RPN2: variants seen among roughly 807,000 people sequenced by gnomAD.
RPN2 encodes the protein dolichyl-diphosphooligosaccharide--protein glycosyltransferase subunit 2.
RPN2 carries 29 observed loss-of-function variants against 71.4 expected under a neutral mutation model. That is an observed-to-expected ratio of 0.41 (90% CI 0.30 to 0.55). RPN2 has a LOEUF of 0.55. Ranked by LOEUF, RPN2 falls within the 20% of genes least tolerant of loss-of-function variation. The pLI is 0.35. For synonymous variants in RPN2, 308 were observed against 305.0 expected (o/e 1.01, Z -0.10); for missense variants, 726 against 774.1 (o/e 0.94, Z 0.74).
chr20:37,231,108 C>A (rs2068231130), intron 13 of RPN2, among the ~76,000 whole-genome samples: 1 of 152,018 alleles, frequency 6.6e-6, no homozygotes, highest in Admixed American at 6.6e-5. Context: ...AAAGCATAAT[C>A]AAATGCACTA....
At chr20:37,218,433 C>T (rs1219932362) in intron 9 of RPN2, among the ~76,000 whole-genome samples, 1 of 151,944 alleles carries the variant, frequency 6.6e-6, no homozygotes, top group African/African-American at 2.4e-5. Context: ...AAAGCCTGGG[C>T]GCAGTGGCTC....
chr20:37,182,056 C>T (rs963387612), intron 1 of RPN2, among the ~76,000 whole-genome samples: 3 of 151,830 alleles, frequency 2.0e-5, no homozygotes, highest in South Asian at 2.1e-4. Context: ...GAATACACCA[C>T]GTGATAGATT....
At chr20:37,224,456 T>C (rs2068030246) in intron 10 of RPN2, among the ~76,000 whole-genome samples, 1 of 152,268 alleles carries the variant, frequency 6.6e-6, no homozygotes, top group Non-Finnish European at 1.5e-5. Flanking sequence ...GCCTCACACG[T>C]GCTTAAAATT....
At chr20:37,228,494 G>A in intron 11 of RPN2, 56 bp from the exon 12 acceptor site, 1 of 1,538,710 alleles carries the variant, frequency 6.5e-7, no homozygotes, top group Non-Finnish European at 9.0e-7. Flanking sequence ...TCAATGTTAG[G>A]CCCAGGGAGA....
intron 6 of RPN2, 55 bp from the exon 7 acceptor site, chr20:37,207,218 C>T: frequency 7.0e-7 from 1 of 1,434,214 alleles, no homozygotes; most frequent in East Asian, 2.3e-5. Context: ...CAGCAGTGGC[C>T]CTCCCACCTT....
rs771088922 is a variant in RPN2, at chr20:37,228,641, A to T, written c.1391A>T (p.Asp464Val). Residue 464 changes from aspartate to valine, a missense_variant, in exon 12 of 17, where the codon GAT (aspartate) becomes GTT (valine). Physicochemically the swap from Asp to Val is radical, Grantham distance 152. Coordinates refer to ENST00000237530, the MANE Select transcript of RPN2 (RefSeq NM_002951.5). ...AAGAACGTGTACAAGTTTGAACTGG[A>T]TACCTCTGAAAGAAAGATTGAATTT... ...DNKNVYKFEL[D>V]TSERKIEFDS... 3.4e-5 allele frequency: 55 copies of T among 1,614,114 alleles called. No individual in the cohort carries two copies. The highest frequency in any genetic ancestry group is 4.0e-5 in the Non-Finnish European group (47 of 1,180,028).
intron 2 of RPN2, among the ~76,000 whole-genome samples, chr20:37,196,655 C>T (rs879349847): frequency 2.6e-5 from 4 of 152,204 alleles, no homozygotes; most frequent in Non-Finnish European, 5.9e-5. Flanking sequence ...GTTAGGATTA[C>T]AGGCGTGAGC....
intron 10 of RPN2, among the ~76,000 whole-genome samples, chr20:37,224,312 A>T (rs2068027235): frequency 1.3e-5 from 2 of 152,186 alleles, no homozygotes; most frequent in African/African-American, 4.8e-5. Context: ...AAATAATAAG[A>T]CCTTCTCAAT....
At chr20:37,227,192 G>A (rs1423525824) in intron 11 of RPN2, among the ~76,000 whole-genome samples, 1 of 152,214 alleles carries the variant, frequency 6.6e-6, no homozygotes, top group East Asian at 1.9e-4. Context: ...CAGCCTCTTA[G>A]CATTTCCCAG....
chr20:37,196,638 A>G (rs1023629800), intron 2 of RPN2, among the ~76,000 whole-genome samples: 11 of 152,032 alleles, frequency 7.2e-5, no homozygotes, highest in African/African-American at 2.7e-4. Context: ...CCTCACCTTC[A>G]TAAAGTGTTA....
rs774458800 is a variant in RPN2 at position 37,198,427 on chromosome 20, G to C, written c.238G>C (p.Asp80His). Residue 80 changes from aspartate to histidine, a missense_variant, in exon 3 of 17, where the codon GAT (aspartate) becomes CAT (histidine). Transcript: ENST00000237530. Reference protein sequence around the residue: ...KACTYIRSNLDPSNVDSLFYA... With the variant: ...KACTYIRSNLHPSNVDSLFYA... Reference sequence around the variant, plus strand: ...ATGTACCTACATCAGATCTAACCTTGATCCCAGCAATGTGGATTCCCTCTT... The same window carrying C: ...ATGTACCTACATCAGATCTAACCTTCATCCCAGCAATGTGGATTCCCTCTT... 1.2e-6 allele frequency: 2 copies of C among 1,614,202 alleles called. No individual in the cohort carries two copies. Among genetic ancestry groups the C allele is most frequent in the South Asian group, 2.2e-5 (2 of 91,080 alleles).
intron 16 of RPN2, chr20:37,238,798 C>G (rs756168594): frequency 9.8e-5 from 55 of 561,710 alleles, no homozygotes; most frequent in Non-Finnish European, 3.8e-5. Flanking sequence ...GAGGATAAGA[C>G]AAATCCAAAA....
intron 8 of RPN2, among the ~76,000 whole-genome samples, chr20:37,211,505 G>T (rs941191977): frequency 6.6e-6 from 1 of 151,322 alleles, no homozygotes; most frequent in Admixed American, 6.6e-5. Flanking sequence ...GCCAGACGTG[G>T]TGGTGCACGC....
Position 37,198,388 on chromosome 20 carries a change from A to T in RPN2, c.208-9A>T. On this transcript the variant is annotated splice_polypyrimidine_tract_variant and intron_variant, in intron 2 of 16. Transcript: ENST00000237530. Reference sequence around the variant, plus strand: ...CACCACTTAACATTGACTTTTCCCCACTGTGTAGAAAGCATGTACCTACAT... The same window carrying T: ...CACCACTTAACATTGACTTTTCCCCTCTGTGTAGAAAGCATGTACCTACAT... 1 of 1,614,146 alleles carries T rather than the reference A, an allele frequency of 6.2e-7. No individual in the cohort carries two copies. Among genetic ancestry groups the T allele is most frequent in the Non-Finnish European group, 8.5e-7 (1 of 1,180,022 alleles).
At position 37,198,331 on chromosome 20, in the gene RPN2, C is replaced by T. The variant is rs1166811045; in HGVS notation, c.208-66C>T. 34 of 1,613,224 alleles carry T rather than the reference C, an allele frequency of 2.1e-5. No homozygotes were observed. In the Middle Eastern group the frequency reaches 6.6e-4, roughly 31 times the overall value. On this transcript the variant is annotated intron_variant, in intron 2 of 16. Coordinates refer to ENST00000237530, the MANE Select transcript of RPN2 (RefSeq NM_002951.5). The stretch of plus-strand genomic sequence containing the variant: ...AATGGCTGAGAATGTTATCTAAAAA[C>T]GCCTTTGCTTTTCCTGGTTCACTAC...
At chr20:37,184,981 G>C (rs541395216) in intron 2 of RPN2, among the ~76,000 whole-genome samples, 2 of 152,142 alleles carry the variant, frequency 1.3e-5, no homozygotes, top group South Asian at 2.1e-4. Context: ...CTTACTAAGT[G>C]CCCCCCTATG....
intron 7 of RPN2, among the ~76,000 whole-genome samples, chr20:37,208,760 G>A (rs945313012): frequency 2.0e-5 from 3 of 152,206 alleles, no homozygotes; most frequent in Non-Finnish European, 2.9e-5. Context: ...TTTTGTTGCT[G>A]TTGTTTGGAA....
Position 37,234,042 on chromosome 20 carries a change from T to G in RPN2, c.1700T>G (p.Val567Gly), listed in dbSNP as rs1276512516. Residue 567 changes from valine to glycine, a missense_variant, in exon 15 of 17, where the codon GTC (valine) becomes GGC (glycine). Physicochemically the swap from Val to Gly is moderately radical, Grantham distance 109. Coordinates refer to ENST00000237530, the MANE Select transcript of RPN2 (RefSeq NM_002951.5). ...CAGTGGATCCGGATTGGTGCCAATG[T>G]CTCCAACTTCACTTTTGCTCCTAGC... ...FALWIRIGAN[V>G]SNFTFAPSTI... The G allele has an allele frequency of 6.2e-7, 1 of 1,614,084 alleles. No individual in the cohort carries two copies. The highest frequency in any genetic ancestry group is 8.5e-7 in the Non-Finnish European group (1 of 1,180,040).
Position 37,179,337 on chromosome 20 carries a change from G to C in RPN2, c.-20G>C, listed in dbSNP as rs528617599. 26 of 1,407,956 alleles carry C rather than the reference G, an allele frequency of 1.8e-5. No individual in the cohort carries two copies. In the South Asian group the frequency reaches 3.2e-4, roughly 18 times the overall value. 87.2% of individuals were successfully genotyped at this position (1,407,956 alleles called of 1,614,324 possible). On this transcript the variant is annotated 5_prime_UTR_variant, in exon 1 of 17. Transcript: ENST00000237530. ...GAAGTCAGCCCGCGGCTCGGACTCC[G>C]GCGGGACCTGCTCGGAGGAATGGCG...
Sources: allele counts gnomAD v4.1 joint callset (sites outside exome capture counted in the v4.1 genomes callset), GRCh38; gene constraint gnomAD v4.1.1; transcripts MANE v1.5; gene names NCBI Gene and HGNC (gene_info 2026-07-23, HGNC 2026-07-21).